Variants in GMDS observed in about 807,000 individuals in gnomAD.
GMDS encodes GDP-mannose 4,6 dehydratase.
Under a neutral mutation model 49.9 loss-of-function variants are expected in GMDS, and 20 were observed. The ratio of observed to expected loss-of-function variants is 0.40; its 90% CI spans 0.28 to 0.58. The LOEUF is 0.58. Among genes scored for constraint, GMDS ranks in the 20% least tolerant of loss-of-function variants. The pLI, the probability that GMDS is intolerant of heterozygous loss-of-function variation, is 0.42. For missense variants in GMDS, 362 were observed against 481.4 expected (o/e 0.75, Z 2.32); for synonymous variants, 177 against 178.6 (o/e 0.99, Z 0.07).
At chr6:1,973,861 G>GAGAT (rs1764752238) in intron 4 of GMDS, among the ~76,000 whole-genome samples, 1 of 152,118 alleles carries the variant, frequency 6.6e-6, no homozygotes, top group Non-Finnish European at 1.5e-5. Flanking sequence ...GCCACAACAT[G>GAGAT]GCCTGTGGTT....
At chr6:1,854,695 G>A (rs561584953) in intron 7 of GMDS, among the ~76,000 whole-genome samples, 11 of 152,148 alleles carry the variant, frequency 7.2e-5, no homozygotes, top group Middle Eastern at 3.2e-3. Flanking sequence ...CTGCAGACTC[G>A]CGATCTAGCA....
intron 4 of GMDS, among the ~76,000 whole-genome samples, chr6:2,045,922 T>TA (rs2127432233): frequency 6.6e-6 from 1 of 152,284 alleles, no homozygotes; most frequent in South Asian, 2.1e-4. Context: ...TTTAAAATCA[T>TA]AAGCTCAGCT....
intron 4 of GMDS, among the ~76,000 whole-genome samples, chr6:2,029,404 G>A (rs1484311032): frequency 6.6e-6 from 1 of 152,144 alleles, no homozygotes; most frequent in East Asian, 1.9e-4. Flanking sequence ...TAATCCTTGG[G>A]GCATTCTGCT....
chr6:2,206,532 A>C (rs886193277), intron 1 of GMDS, among the ~76,000 whole-genome samples: 3 of 152,206 alleles, frequency 2.0e-5, no homozygotes, highest in African/African-American at 7.2e-5. Flanking sequence ...AACAGAGTCC[A>C]AGTGGTTATT....
chr6:2,197,641 G>A (rs1779331507), intron 1 of GMDS, among the ~76,000 whole-genome samples: 1 of 152,188 alleles, frequency 6.6e-6, no homozygotes, highest in Non-Finnish European at 1.5e-5. Flanking sequence ...TGACACATGG[G>A]CTTGGCATTT....
At chr6:1,641,704 TTCTCTCTCTCTCTC>T (rs67714741) in intron 9 of GMDS, among the ~76,000 whole-genome samples, 1 of 147,880 alleles carries the variant, frequency 6.8e-6, no homozygotes, top group Admixed American at 6.7e-5. Context: ...CTCGGATGAT[TTCTCTCTCTCTCTC>T]TCTCTCTCTC....
intron 1 of GMDS, among the ~76,000 whole-genome samples, chr6:2,154,146 G>A (rs1301691560): frequency 1.3e-5 from 2 of 152,032 alleles, no homozygotes; most frequent in African/African-American, 2.4e-5. Context: ...TCACAATCAT[G>A]TTTATTGAAA....
intron 4 of GMDS, among the ~76,000 whole-genome samples, chr6:2,063,616 G>A (rs1255726755): frequency 6.6e-6 from 1 of 152,214 alleles, no homozygotes; most frequent in Non-Finnish European, 1.5e-5. Flanking sequence ...AAACCTTTAT[G>A]AGGCTAGCTC....
chr6:1,681,950 C>T (rs976995200), intron 9 of GMDS, among the ~76,000 whole-genome samples: 7 of 151,894 alleles, frequency 4.6e-5, no homozygotes, highest in African/African-American at 1.7e-4. Context: ...CTGCCTTCGC[C>T]TCCCAAAGTG....
chr6:1,654,179 C>T lies in GMDS; in HGVS notation c.988-29639G>A, dbSNP rs111745081. Reference sequence around the variant, plus strand: ...TGATTGGAATGTAAAACTCTGCAGTCGTAATGGAAAACGAGTATGGTAGTT... The same window carrying T: ...TGATTGGAATGTAAAACTCTGCAGTTGTAATGGAAAACGAGTATGGTAGTT... On this transcript the variant is annotated intron_variant, in intron 9 of 10. Coordinates refer to ENST00000380815, the MANE Select transcript of GMDS (RefSeq NM_001500.4). Among the ~76,000 whole-genome samples, 169 of 152,240 alleles carry T rather than the reference C, an allele frequency of 1.1e-3. 1 individual carries two copies. The highest frequency in any genetic ancestry group is 3.9e-3 in the African/African-American group (162 of 41,534).
intron 1 of GMDS, among the ~76,000 whole-genome samples, chr6:2,226,181 C>T (rs1780806099): frequency 6.6e-6 from 1 of 152,144 alleles, no homozygotes; most frequent in African/African-American, 2.4e-5. Flanking sequence ...GGACACTCAC[C>T]AACAATATAC....
rs371505157 is a variant in GMDS, at chr6:2,106,987, T to C, written c.345+8784A>G. Among the ~76,000 whole-genome samples, 51 of 152,362 alleles carry C rather than the reference T, an allele frequency of 3.3e-4. No homozygotes were observed. The East Asian group carries it at 7.5e-3, about 22-fold the overall frequency. Reference sequence around the variant, plus strand: ...TGGTAAATATGTTCATTTAGCTATTTGTATTAATTTTAGCTTAATATATAT... The same window carrying C: ...TGGTAAATATGTTCATTTAGCTATTCGTATTAATTTTAGCTTAATATATAT... On this transcript the variant is annotated intron_variant, in intron 4 of 10. Transcript: ENST00000380815.
intron 1 of GMDS, among the ~76,000 whole-genome samples, chr6:2,170,613 T>A (rs1320052437): frequency 6.7e-6 from 1 of 150,000 alleles, no homozygotes; most frequent in Non-Finnish European, 1.5e-5. Context: ...GGTGACAGAG[T>A]GTGACCCTGC....
chr6:1,713,512 G>A (rs990769356), intron 9 of GMDS, among the ~76,000 whole-genome samples: 19 of 151,788 alleles, frequency 1.3e-4, no homozygotes, highest in African/African-American at 4.1e-4. Flanking sequence ...TGGCACTGAC[G>A]GCCATCCCCA....
At chr6:2,136,940 T>A (rs928021561) in intron 1 of GMDS, among the ~76,000 whole-genome samples, 2 of 151,870 alleles carry the variant, frequency 1.3e-5, no homozygotes, top group Non-Finnish European at 2.9e-5. Context: ...AAAAACTGAT[T>A]TGACTTTGAA....
intron 4 of GMDS, among the ~76,000 whole-genome samples, chr6:2,036,724 T>C (rs1769327550): frequency 6.6e-6 from 1 of 152,332 alleles, no homozygotes; most frequent in Non-Finnish European, 1.5e-5. Flanking sequence ...GCAGTTATCC[T>C]CACGAAGCAT....
intron 4 of GMDS, among the ~76,000 whole-genome samples, chr6:2,034,933 A>C (rs1319095885): frequency 6.6e-6 from 1 of 152,178 alleles, no homozygotes; most frequent in Non-Finnish European, 1.5e-5. Flanking sequence ...CATGAGGAAG[A>C]AACCCAGCCT....
chr6:1,981,781 A>G (rs927215908), intron 4 of GMDS, among the ~76,000 whole-genome samples: 10 of 152,208 alleles, frequency 6.6e-5, no homozygotes, highest in African/African-American at 2.2e-4. Context: ...TCAACCAAAT[A>G]CTGGCAAACC....
intron 7 of GMDS, among the ~76,000 whole-genome samples, chr6:1,844,907 A>G (rs1313225187): frequency 1.3e-5 from 2 of 152,252 alleles, no homozygotes; most frequent in African/African-American, 4.8e-5. Context: ...ACACTTCTTT[A>G]TAAGAATGGA....
Sources: allele counts gnomAD v4.1 joint callset (sites outside exome capture counted in the v4.1 genomes callset), GRCh38; gene constraint gnomAD v4.1.1; transcripts MANE v1.5; gene names NCBI Gene and HGNC (gene_info 2026-07-23, HGNC 2026-07-21).